THSD7A: variants seen among roughly 807,000 people sequenced by gnomAD.
The protein encoded by THSD7A is thrombospondin type 1 domain containing 7A, also known as thrombospondin type-1 domain-containing protein 7A.
Under a neutral mutation model 231.3 loss-of-function variants are expected in THSD7A, and 96 were observed. That is an observed-to-expected ratio of 0.41 (90% CI 0.35 to 0.49). The LOEUF is 0.49. Ranked by LOEUF, THSD7A falls within the 20% of genes least tolerant of loss-of-function variation. The probability of loss-of-function intolerance (pLI) is 0.05; values close to 1 mark genes in which losing one functional copy is unlikely to be tolerated. For missense variants in THSD7A, 2,290 were observed against 2,070.2 expected, an observed-to-expected ratio of 1.11 and a Z score of -2.06; for synonymous variants, 940 against 743.3, an observed-to-expected ratio of 1.26 and a Z score of -4.30.
At chr7:11,687,014 TA>T (rs959736276) in intron 1 of THSD7A, among the ~76,000 whole-genome samples, 33 of 151,744 alleles carry the variant, frequency 2.2e-4, no homozygotes, top group African/African-American at 8.0e-4. Flanking sequence ...TCTCAATGAA[TA>T]AAAAAATAAT....
At chr7:11,773,018 C>G (rs1783284639) in intron 1 of THSD7A, among the ~76,000 whole-genome samples, 1 of 152,030 alleles carries the variant, frequency 6.6e-6, no homozygotes, top group South Asian at 2.1e-4. Context: ...ATACAGAAAT[C>G]AACAATAATA....
intron 1 of THSD7A, among the ~76,000 whole-genome samples, chr7:11,797,161 T>C (rs929760561): frequency 2.0e-5 from 3 of 152,112 alleles, no homozygotes; most frequent in Non-Finnish European, 4.4e-5. Flanking sequence ...CCCCCAAATA[T>C]GTATTTTATG....
intron 13 of THSD7A, among the ~76,000 whole-genome samples, chr7:11,440,066 A>G (rs1485890898): frequency 6.6e-6 from 1 of 152,016 alleles, no homozygotes; most frequent in Non-Finnish European, 1.5e-5. Flanking sequence ...AGTTGAAGCC[A>G]ATGCCCATTT....
rs1369726584 is a variant in THSD7A at position 11,632,144 on chromosome 7, C to T, written c.1022+3986G>A. Among the ~76,000 whole-genome samples the T allele has an allele frequency of 6.6e-6, 1 of 151,970 alleles. No homozygotes were observed. Among genetic ancestry groups the T allele is most frequent in the Non-Finnish European group, 1.5e-5 (1 of 67,996 alleles). ...TAATTATCTTGTGAAGTTAGCCTTT[C>T]CTCTCTCTTTATTTTTCAGTATTTT... is the stretch of plus-strand genomic sequence containing the variant. On this transcript the variant is annotated intron_variant, in intron 2 of 27. Transcript: ENST00000423059. The surrounding 1 kb of genome is among the most constrained non-coding windows in gnomAD (Gnocchi z 4.1).
intron 17 of THSD7A, among the ~76,000 whole-genome samples, chr7:11,414,464 G>C (rs1490542098): frequency 6.6e-6 from 1 of 152,152 alleles, no homozygotes; most frequent in Non-Finnish European, 1.5e-5. Flanking sequence ...ACACAAATTA[G>C]TTACTGTTCC....
intron 1 of THSD7A, among the ~76,000 whole-genome samples, chr7:11,682,135 C>T (rs904060689): frequency 6.6e-6 from 1 of 152,068 alleles, no homozygotes. Flanking sequence ...AAGAATCATA[C>T]TTGCTGCCAC....
chr7:11,588,932 A>G (rs569099043), intron 4 of THSD7A, among the ~76,000 whole-genome samples: 1 of 152,370 alleles, frequency 6.6e-6, no homozygotes, highest in South Asian at 2.1e-4. Flanking sequence ...AAATGAGTTG[A>G]CATGCTGTGT....
At chr7:11,459,955 T>C (rs1164112710) in intron 11 of THSD7A, among the ~76,000 whole-genome samples, 1 of 152,008 alleles carries the variant, frequency 6.6e-6, no homozygotes, top group African/African-American at 2.4e-5. Context: ...TCAATATGAG[T>C]AAAAATAATC....
At chr7:11,466,620 C>T (rs1019202297) in intron 9 of THSD7A, among the ~76,000 whole-genome samples, 4 of 152,054 alleles carry the variant, frequency 2.6e-5, no homozygotes, top group Non-Finnish European at 5.9e-5. Flanking sequence ...TTTAGGGTTT[C>T]TGAAAACCTT....
rs528821699 is a variant in THSD7A at position 11,516,171 on chromosome 7, T to C, written c.1822+25248A>G. Reference sequence around the variant, plus strand: ...AACCTGTAATAAAGTATAATACTTATGTAGTTAATTTACTGAACTTACTGC... The same window carrying C: ...AACCTGTAATAAAGTATAATACTTACGTAGTTAATTTACTGAACTTACTGC... On this transcript the variant is annotated intron_variant, in intron 6 of 27. Transcript: ENST00000423059. Among the ~76,000 whole-genome samples the C allele has an allele frequency of 7.2e-5, 11 of 152,336 alleles. No individual in the cohort carries two copies. The East Asian group carries it at 1.5e-3, about 21-fold the overall frequency.
intron 11 of THSD7A, 53 bp from the exon 12 acceptor site, chr7:11,447,477 A>C (rs1583759473): frequency 1.4e-6 from 2 of 1,388,934 alleles, no homozygotes; most frequent in Non-Finnish European, 1.9e-6. Context: ...TAATTACTCT[A>C]TAATTTAGAA....
rs749274592 is a variant in THSD7A at position 11,424,736 on chromosome 7, G to A, written c.3343C>T (p.Arg1115Trp). Residue 1115 changes from arginine (R) to tryptophan (W), a missense_variant, in exon 16 of 28, where the codon CGG becomes TGG. Physicochemically the swap from Arg to Trp is moderately radical, Grantham distance 101. Transcript: ENST00000423059. ...TGCACGCCCTCTCCACAGTTCTCCC[G>A]CATATTCACAAAGGTCACCTTGCAG... ...SICKVTFVNM[R>W]ENCGEGVQTR... is the part of the protein sequence containing the mutation. The A allele has an allele frequency of 8.1e-6, 13 of 1,613,794 alleles. No individual in the cohort carries two copies. The highest frequency in any genetic ancestry group is 3.3e-5 in the Admixed American group (2 of 59,984).
chr7:11,600,798 T>G (rs1562759897), intron 2 of THSD7A, among the ~76,000 whole-genome samples: 2 of 152,258 alleles, frequency 1.3e-5, no homozygotes, highest in African/African-American at 4.8e-5. Context: ...ATGTTCAATC[T>G]TCTTAATCCT....
intron 1 of THSD7A, among the ~76,000 whole-genome samples, chr7:11,780,658 C>G (rs1783593758): frequency 6.6e-6 from 1 of 152,140 alleles, no homozygotes; most frequent in South Asian, 2.1e-4. Context: ...GCCAGAATCA[C>G]CCAGGGAAAC....
At chr7:11,526,963 A>C (rs1307210039) in intron 6 of THSD7A, among the ~76,000 whole-genome samples, 1 of 152,190 alleles carries the variant, frequency 6.6e-6, no homozygotes, top group African/African-American at 2.4e-5. Flanking sequence ...CAAGCACAAT[A>C]AATGTGAAAT....
At position 11,831,920 on chromosome 7, in the gene THSD7A, C is replaced by A; in HGVS notation, c.27G>T (p.Ala9=). The change falls in exon 1 of 28, where the codon GCG becomes GCT. Residue 9 remains alanine (A), a synonymous_variant. Coordinates refer to ENST00000423059, the MANE Select transcript of THSD7A (RefSeq NM_015204.3). This position sits in a 1 kb window ranked among gnomAD's most constrained non-coding sequence, Gnocchi z 5.0. MGLQARRW[A]SGSRGAAGPR... ...GCCCCGCAGCGCCCCGGCTCCCGGA[C>A]GCCCAGCGCCTGGCTTGCAGCCCCA... is the stretch of plus-strand genomic sequence containing the variant. 1.6e-6 allele frequency: 2 copies of A among 1,235,984 alleles called. No homozygotes were observed. The highest frequency in any genetic ancestry group is 4.0e-5 in the South Asian group (1 of 24,698). 76.6% of individuals were successfully genotyped at this position (1,235,984 alleles called of 1,614,324 possible).
intron 1 of THSD7A, among the ~76,000 whole-genome samples, chr7:11,768,249 T>C (rs528425731): frequency 6.6e-6 from 1 of 152,334 alleles, no homozygotes; most frequent in African/African-American, 2.4e-5. Flanking sequence ...TTATAAATGC[T>C]AGTTGTCCAA....
chr7:11,721,720 A>G (rs1781360662), intron 1 of THSD7A, among the ~76,000 whole-genome samples: 1 of 151,806 alleles, frequency 6.6e-6, no homozygotes. Flanking sequence ...CCTCTCTTTA[A>G]TTGTTGCCAT....
Position 11,636,149 on chromosome 7 carries a change from C to T in THSD7A, c.1003G>A (p.Gly335Arg). The T allele has an allele frequency of 1.2e-6, 2 of 1,611,264 alleles. No individual in the cohort carries two copies. The highest frequency in any genetic ancestry group is 1.7e-6 in the Non-Finnish European group (2 of 1,178,670). The change falls in exon 2 of 28, where the codon GGG becomes AGG. Residue 335 changes from glycine (G) to arginine (R), a missense_variant. Transcript: ENST00000423059. The surrounding 1 kb of genome is among the most constrained non-coding windows in gnomAD (Gnocchi z 10.0). ...TREVMCINKT[G>R]KAADLSFCQQ... ...TGTTACCTTAAATCAGCAGCTTTCC[C>T]CGTCTTGTTAATGCACATAACCTCT...
Sources: allele counts gnomAD v4.1 joint callset (sites outside exome capture counted in the v4.1 genomes callset), GRCh38; gene constraint gnomAD v4.1.1; non-coding constraint Gnocchi (gnomAD v3.1); transcripts MANE v1.5; gene names NCBI Gene and HGNC (gene_info 2026-07-23, HGNC 2026-07-21).